The following JADE2 variants were observed in gnomAD, a reference collection of about 807,000 sequenced individuals.
The protein encoded by JADE2 is jade family PHD finger 2.
In JADE2, 13 loss-of-function variants were observed where a neutral mutation model predicts 85.7. The observed-to-expected ratio is 0.15, with a 90% CI of 0.10 to 0.24. The LOEUF is 0.24. Ranked by LOEUF, JADE2 falls within the 10% of genes least tolerant of loss-of-function variation. The pLI, the probability that JADE2 is intolerant of heterozygous loss-of-function variation, is 1.00. For synonymous variants in JADE2, 440 were observed against 456.1 expected (o/e 0.96, Z 0.45); for missense variants, 846 against 1,115.9 (o/e 0.76, Z 3.45).
chr5:134,526,255 G>A, intron 1 of JADE2: 1 of 985,492 alleles, frequency 1.0e-6, no homozygotes, highest in Non-Finnish European at 1.2e-6. Flanking sequence ...GGGAGGCTGA[G>A]AGGGGCGCAT....
At chr5:134,561,888 C>A (rs1270944708) in intron 6 of JADE2, among the ~76,000 whole-genome samples, 5 of 152,158 alleles carry the variant, frequency 3.3e-5, no homozygotes, top group Non-Finnish European at 1.5e-5. Context: ...GATTCTTGGA[C>A]TCTCCTTAAG....
intron 3 of JADE2, among the ~76,000 whole-genome samples, chr5:134,546,011 C>T (rs573024675): frequency 7.6e-4 from 116 of 152,294 alleles, no homozygotes; most frequent in African/African-American, 2.8e-3. Context: ...CTCAGTTTCA[C>T]CTGGAAGAAT....
chr5:134,539,565 T>C (rs533543722), intron 3 of JADE2, among the ~76,000 whole-genome samples: 1 of 152,362 alleles, frequency 6.6e-6, no homozygotes, highest in African/African-American at 2.4e-5. Flanking sequence ...GGCTGGACAC[T>C]CCTTTTTAAT....
rs1761693019 is a variant in JADE2, at chr5:134,537,842, C to T, written c.59-147C>T. 1.2e-5 allele frequency: 7 copies of T among 601,424 alleles called. No individual in the cohort carries two copies. In the South Asian group the frequency reaches 1.4e-4, roughly 12 times the overall value. The allele number at this position is 601,424 out of a possible 1,614,324, so 37.3% of individuals were successfully genotyped here. A position where few individuals can be genotyped will look rare whatever the true frequency, so the allele number is the denominator to read the frequency against. ...CATTCATCAGTGGGGAGACTGAGGC[C>T]CAGAGCAGGGATACTAGGTCTCACA... On this transcript the variant is annotated intron_variant, in intron 2 of 11. Transcript: ENST00000681547.
rs547987510 is a variant in JADE2 at position 134,541,061 on chromosome 5, G to A, written c.153+2978G>A. On this transcript the variant is annotated intron_variant, in intron 3 of 11. Coordinates refer to ENST00000681547, the MANE Select transcript of JADE2 (RefSeq NM_001388185.1). ...CAACCCTGCTGGGGACTAGCTCCAC[G>A]TGGCCCTGGGTCCAAGCCCAGGAGC... is the stretch of plus-strand genomic sequence containing the variant. 2.7e-3 allele frequency among the ~76,000 whole-genome samples: 415 copies of A among 152,284 alleles called. 2 individuals are homozygous for A. Among genetic ancestry groups the A allele is most frequent in the African/African-American group, 9.5e-3 (394 of 41,546 alleles).
chr5:134,578,009 A>G lies in JADE2; in HGVS notation c.1682-485A>G, dbSNP rs545443543. Among the ~76,000 whole-genome samples, 6 of 152,100 alleles carry G rather than the reference A, an allele frequency of 3.9e-5. No individual in the cohort carries two copies. Among genetic ancestry groups the G allele is most frequent in the Admixed American group, 1.3e-4 (2 of 15,282 alleles). ...TTTCCTCCAGATTCCTCCTTCCCCA[A>G]CCCCACCAGAATGGGGGTAGTGGGC... is the stretch of plus-strand genomic sequence containing the variant. On this transcript the variant is annotated intron_variant, in intron 11 of 11. Coordinates refer to ENST00000681547, the MANE Select transcript of JADE2 (RefSeq NM_001388185.1). This position sits in a 1 kb window ranked among gnomAD's most constrained non-coding sequence, Gnocchi z 4.4.
chr5:134,533,558 G>A, intron 1 of JADE2: 1 of 985,242 alleles, frequency 1.0e-6, no homozygotes, highest in Non-Finnish European at 1.2e-6. Context: ...GAAGAGAAAT[G>A]GAATTCGCTT....
chr5:134,577,187 G>A (rs1764427533), intron 11 of JADE2: 2 of 359,406 alleles, frequency 5.6e-6, no homozygotes, highest in African/African-American at 2.1e-5. Flanking sequence ...GGTCCTGGGT[G>A]CTGGATTTTC....
chr5:134,526,589 G>A (rs867470945), intron 1 of JADE2: 23 of 985,288 alleles, frequency 2.3e-5, no homozygotes, highest in Middle Eastern at 1.0e-3. Flanking sequence ...ACGTGCAGCC[G>A]GTCCGGTCCC....
In JADE2 at chr5:134,579,325, C is replaced by G; in HGVS notation, c.*8C>G. The G allele has an allele frequency of 6.4e-7, 1 of 1,566,314 alleles. No individual in the cohort carries two copies. ...GGCGTACTGGCCTCCTAACTCACCC[C>G]CTTCCCTGTCCCAGGCCCTGCCCTG... On this transcript the variant is annotated 3_prime_UTR_variant, in exon 12 of 12. Coordinates refer to ENST00000681547, the MANE Select transcript of JADE2 (RefSeq NM_001388185.1). This position sits in a 1 kb window ranked among gnomAD's most constrained non-coding sequence, Gnocchi z 4.6.
chr5:134,534,084 G>A (rs1027802824), intron 1 of JADE2, among the ~76,000 whole-genome samples: 21 of 152,288 alleles, frequency 1.4e-4, no homozygotes, highest in African/African-American at 4.3e-4. Context: ...GTGGGTTGCT[G>A]AGCTGTTTGT....
chr5:134,556,716 CACCTCACACAT>C (rs1164381484), intron 4 of JADE2, among the ~76,000 whole-genome samples: 3 of 145,186 alleles, frequency 2.1e-5, no homozygotes, highest in South Asian at 2.2e-4. Flanking sequence ...ACCACACACA[CACCTCACACAT>C]CACACAAAAC....
At chr5:134,560,354 C>T (rs1449500720) in intron 5 of JADE2, among the ~76,000 whole-genome samples, 1 of 152,082 alleles carries the variant, frequency 6.6e-6, no homozygotes, top group African/African-American at 2.4e-5. Flanking sequence ...CTGGCTGGAG[C>T]CCAATAATGT....
At chr5:134,557,260 ATTTT>A (rs1322760167) in intron 4 of JADE2, among the ~76,000 whole-genome samples, 2 of 27,708 alleles carry the variant, frequency 7.2e-5, no homozygotes, top group African/African-American at 1.5e-4. Flanking sequence ...TCAAGCTTTT[ATTTT>A]TTTATTTTTT....
chr5:134,526,986 C>A (rs899423532), intron 1 of JADE2, among the ~76,000 whole-genome samples: 6 of 152,198 alleles, frequency 3.9e-5, no homozygotes, highest in Admixed American at 3.3e-4. Flanking sequence ...GCTTCAGGGA[C>A]GGATCCGCAG....
At chr5:134,577,079 G>A in intron 11 of JADE2, 183 bp downstream of exon 11, 1 of 647,632 alleles carries the variant, frequency 1.5e-6, no homozygotes, top group Non-Finnish European at 2.5e-6. Flanking sequence ...AGATCTCAGA[G>A]CCCCGTGTGA....
At chr5:134,564,660 G>T in intron 8 of JADE2, 50 bp downstream of exon 8, 1 of 1,233,270 alleles carries the variant, frequency 8.1e-7, no homozygotes, top group East Asian at 2.7e-5. Flanking sequence ...TGAGAGGCAT[G>T]CTTGGGGCCT....
At chr5:134,571,654 G>T (rs1378185038) in intron 9 of JADE2, among the ~76,000 whole-genome samples, 2 of 152,196 alleles carry the variant, frequency 1.3e-5, no homozygotes, top group African/African-American at 4.8e-5. Context: ...CCAAGACTGT[G>T]CCACTGCGCT....
At chr5:134,542,435 CTTTTTTTTTTT>C (rs10568722) in intron 3 of JADE2, among the ~76,000 whole-genome samples, 4 of 93,470 alleles carry the variant, frequency 4.3e-5, no homozygotes, top group Non-Finnish European at 6.2e-5. Context: ...GTACCTATAC[CTTTTTTTTTTT>C]TTTTTTTTTT....
Sources: allele counts gnomAD v4.1 joint callset (sites outside exome capture counted in the v4.1 genomes callset), GRCh38; gene constraint gnomAD v4.1.1; non-coding constraint Gnocchi (gnomAD v3.1); transcripts MANE v1.5; gene names NCBI Gene and HGNC (gene_info 2026-07-23, HGNC 2026-07-21).